ADCY9: variants seen among roughly 807,000 people sequenced by gnomAD.
ADCY9 encodes the protein adenylate cyclase type 9.
Under a neutral mutation model 101.5 loss-of-function variants are expected in ADCY9, and 50 were observed. The observed-to-expected ratio is 0.49, with a 90% CI of 0.39 to 0.62. The LOEUF is 0.62. ADCY9 is among the 20% of genes least tolerant of loss of function. The pLI is 0.00. For synonymous variants in ADCY9, 905 were observed against 769.3 expected, an observed-to-expected ratio of 1.18 and a Z score of -2.92; for missense variants, 1,662 against 1,800.4, an observed-to-expected ratio of 0.92 and a Z score of 1.39.
intron 2 of ADCY9, among the ~76,000 whole-genome samples, chr16:4,035,998 C>CAAAAAAAAAAAAAAAAAAAAAA (rs55792873): frequency 1.3e-4 from 3 of 23,168 alleles, no homozygotes; most frequent in African/African-American, 1.6e-4. Flanking sequence ...AACTCCATCT[C>CAAAAAAAAAAAAAAAAAAAAAA]AAAAAAAAAA....
Position 4,114,899 on chromosome 16 carries a change from G to A in ADCY9, c.544C>T (p.Leu182=). The A allele has an allele frequency of 6.2e-7, 1 of 1,613,888 alleles. No homozygotes were observed. Among genetic ancestry groups the A allele is most frequent in the Non-Finnish European group, 8.5e-7 (1 of 1,180,048 alleles). ...YAWTSLALTL[L]VFALTLAAQF... ...GCAGCCAGGGTCAGGGCGAACACCA[G>A]CAGGGTGAGAGCCAGCGAGGTCCAC... Residue 182 remains leucine (L), a synonymous_variant, in exon 2 of 11, where the codon CTG becomes TTG. Coordinates refer to ENST00000294016, the MANE Select transcript of ADCY9 (RefSeq NM_001116.4). This position sits in a 1 kb window ranked among gnomAD's most constrained non-coding sequence, Gnocchi z 4.3.
intron 2 of ADCY9, among the ~76,000 whole-genome samples, chr16:4,027,641 C>A (rs1032195056): frequency 1.3e-5 from 2 of 152,094 alleles, no homozygotes; most frequent in East Asian, 1.9e-4. Context: ...CTGTGGGAGG[C>A]CGAGGTGGGC....
At chr16:3,986,245 C>T (rs1264768280) in intron 6 of ADCY9, among the ~76,000 whole-genome samples, 4 of 152,176 alleles carry the variant, frequency 2.6e-5, no homozygotes, top group South Asian at 2.1e-4. Flanking sequence ...CGGCTAAGAA[C>T]GCACCCACGT....
chr16:4,055,209 G>T (rs868112279), intron 2 of ADCY9, among the ~76,000 whole-genome samples: 23 of 152,178 alleles, frequency 1.5e-4, no homozygotes, highest in African/African-American at 4.8e-4. Context: ...GCTCTATTCA[G>T]CAGATTTCAC....
At chr16:4,014,564 C>T (rs2056425375) in intron 2 of ADCY9, among the ~76,000 whole-genome samples, 1 of 151,758 alleles carries the variant, frequency 6.6e-6, no homozygotes, top group African/African-American at 2.4e-5. Context: ...ACTCCTGCCT[C>T]AGCCTCCTGA....
chr16:4,070,607 G>C (rs1263498149), intron 2 of ADCY9, among the ~76,000 whole-genome samples: 1 of 152,218 alleles, frequency 6.6e-6, no homozygotes, highest in East Asian at 1.9e-4. Context: ...CTTGAGTCCA[G>C]GAGTTCAAGT....
chr16:4,115,468 G>A lies in ADCY9; in HGVS notation c.-26C>T, dbSNP rs1271950009. On this transcript the variant is annotated 5_prime_UTR_variant, in exon 2 of 11. Coordinates refer to ENST00000294016, the MANE Select transcript of ADCY9 (RefSeq NM_001116.4). This position sits in a 1 kb window ranked among gnomAD's most constrained non-coding sequence, Gnocchi z 6.2. ...GTTGTCGAGTCCCGGGGCCTGCCCC[G>A]GCCGGGGTCACCAGTACCTGCCAGC... 2 of 1,506,582 alleles carry A rather than the reference G, an allele frequency of 1.3e-6. No homozygotes were observed. The highest frequency in any genetic ancestry group is 1.4e-5 in the African/African-American group (1 of 72,228). 93.3% of individuals were successfully genotyped at this position (1,506,582 alleles called of 1,614,324 possible). A position where few individuals can be genotyped will look rare whatever the true frequency, so the allele number is the denominator to read the frequency against.
chr16:3,983,654 C>T (rs1744637565), intron 6 of ADCY9: 5 of 572,876 alleles, frequency 8.7e-6, no homozygotes, highest in African/African-American at 3.7e-5. Context: ...GGGGGCTGGG[C>T]ACGGTGGCTC....
chr16:4,110,376 CTTTTTTTTTTT>C (rs1170090126), intron 2 of ADCY9, among the ~76,000 whole-genome samples: 5 of 110,774 alleles, frequency 4.5e-5, no homozygotes, highest in African/African-American at 1.4e-4. Context: ...CTTATACCTA[CTTTTTTTTTTT>C]TTTTTTTTTT....
intron 2 of ADCY9, among the ~76,000 whole-genome samples, chr16:4,057,349 G>C (rs766246244): frequency 3.3e-5 from 5 of 152,024 alleles, no homozygotes; most frequent in African/African-American, 4.8e-5. Context: ...TCTGTTTCCA[G>C]GGTACAATTC....
At chr16:4,041,712 T>C (rs928637453) in intron 2 of ADCY9, among the ~76,000 whole-genome samples, 1 of 151,520 alleles carries the variant, frequency 6.6e-6, no homozygotes, top group African/African-American at 2.4e-5. Flanking sequence ...TGATGATTCA[T>C]GAGTCTAAAC....
chr16:4,080,232 G>C (rs1052033746), intron 2 of ADCY9, among the ~76,000 whole-genome samples: 5 of 152,084 alleles, frequency 3.3e-5, no homozygotes, highest in Admixed American at 2.0e-4. Context: ...GAAGTTAACA[G>C]AGGTAATTTT....
chr16:4,014,474 G>A (rs191205092), intron 2 of ADCY9, among the ~76,000 whole-genome samples: 1 of 151,802 alleles, frequency 6.6e-6, no homozygotes, highest in East Asian at 1.9e-4. Context: ...TTGAGACAGA[G>A]TCTTGCTCTG....
intron 2 of ADCY9, among the ~76,000 whole-genome samples, chr16:4,055,694 C>T (rs1016451402): frequency 3.3e-5 from 5 of 152,184 alleles, no homozygotes; most frequent in East Asian, 3.9e-4. Context: ...ATTAGCCAGG[C>T]GTGGCGCCGG....
chr16:4,092,621 A>G (rs1373715309), intron 2 of ADCY9, among the ~76,000 whole-genome samples: 1 of 152,232 alleles, frequency 6.6e-6, no homozygotes, highest in African/African-American at 2.4e-5. Flanking sequence ...AATAAGACAC[A>G]AATTTGATTC....
rs904132823 is a variant in ADCY9, at chr16:3,970,545, C to G, written c.2871-3579G>C. Reference sequence around the variant, plus strand: ...GTTTCACCATGTTGACCAGGTTGGTCTGGAACTCCTGACCTCAGGTGATCC... The same window carrying G: ...GTTTCACCATGTTGACCAGGTTGGTGTGGAACTCCTGACCTCAGGTGATCC... On this transcript the variant is annotated intron_variant, in intron 10 of 10. Coordinates refer to ENST00000294016, the MANE Select transcript of ADCY9 (RefSeq NM_001116.4). Among the ~76,000 whole-genome samples the G allele has an allele frequency of 1.3e-4, 20 of 152,138 alleles. 1 individual carries two copies. Among genetic ancestry groups the G allele is most frequent in the Admixed American group, 1.1e-3 (17 of 15,268 alleles).
intron 10 of ADCY9, among the ~76,000 whole-genome samples, chr16:3,970,683 A>G (rs1314931053): frequency 2.6e-5 from 4 of 152,196 alleles, no homozygotes; most frequent in African/African-American, 7.2e-5. Flanking sequence ...TGTTCTTGGG[A>G]TATTAAAAAA....
intron 2 of ADCY9, among the ~76,000 whole-genome samples, chr16:4,030,570 G>T (rs1483296870): frequency 2.0e-5 from 3 of 152,124 alleles, no homozygotes; most frequent in Admixed American, 6.5e-5. Context: ...AGGCATGGTG[G>T]TGGGTGCCTG....
At position 3,966,213 on chromosome 16, in the gene ADCY9, C is replaced by T. The variant is rs1400523743; in HGVS notation, c.3624G>A (p.Val1208=). ...TCAAGACGCGGTAGCTCTCTTCGCT[C>T]ACCTGGATGCGGCACTCCACGCCGG... ...DTTGVECRIQ[V]SEESYRVLSK... The change falls in exon 11 of 11, where the codon GTG becomes GTA. Residue 1208 remains valine (V), a synonymous_variant. Transcript: ENST00000294016. 4 of 1,614,232 alleles carry T rather than the reference C, an allele frequency of 2.5e-6. No homozygotes were observed. Among genetic ancestry groups the T allele is most frequent in the African/African-American group, 1.3e-5 (1 of 75,058 alleles).
Sources: allele counts gnomAD v4.1 joint callset (sites outside exome capture counted in the v4.1 genomes callset), GRCh38; gene constraint gnomAD v4.1.1; non-coding constraint Gnocchi (gnomAD v3.1); transcripts MANE v1.5; gene names NCBI Gene and HGNC (gene_info 2026-07-23, HGNC 2026-07-21).